The following ME1 variants were observed in gnomAD, a reference collection of about 807,000 sequenced individuals.
ME1 encodes the protein malic enzyme 1, also known as NADP-dependent malic enzyme.
Under a neutral mutation model 66.4 loss-of-function variants are expected in ME1, and 74 were observed. The ratio of observed to expected loss-of-function variants is 1.11; its 90% CI spans 0.92 to 1.35. The LOEUF (loss-of-function observed/expected upper bound fraction) is 1.35. Ranked by LOEUF, ME1 falls within the 40% of genes most tolerant of loss-of-function variation. ME1 has a pLI of 0.00. For synonymous variants in ME1, 251 were observed against 235.6 expected (o/e 1.07, Z -0.60); for missense variants, 750 against 694.1 (o/e 1.08, Z -0.90).
chr6:83,247,723 G>A (rs771301184), intron 7 of ME1, among the ~76,000 whole-genome samples: 1 of 152,044 alleles, frequency 6.6e-6, no homozygotes, highest in Non-Finnish European at 1.5e-5. Context: ...AGAACCATAC[G>A]GAGAAACTGT....
At chr6:83,305,712 C>G (rs959698369) in intron 6 of ME1, among the ~76,000 whole-genome samples, 2 of 152,102 alleles carry the variant, frequency 1.3e-5, no homozygotes, top group Non-Finnish European at 2.9e-5. Context: ...AATGCACTGA[C>G]TGTCAATACT....
chr6:83,213,655 C>T (rs1430538060), intron 13 of ME1, among the ~76,000 whole-genome samples: 1 of 152,056 alleles, frequency 6.6e-6, no homozygotes, highest in Admixed American at 6.5e-5. Context: ...GTGTGAGCCA[C>T]CGTGCCCAGC....
chr6:83,377,055 T>C (rs1246227053), intron 3 of ME1, among the ~76,000 whole-genome samples: 1 of 152,150 alleles, frequency 6.6e-6, no homozygotes, highest in Non-Finnish European at 1.5e-5. Flanking sequence ...TGGAAATGTA[T>C]CAAAACTAAT....
At chr6:83,430,449 T>C (rs1030402301) in intron 1 of ME1, among the ~76,000 whole-genome samples, 4 of 152,218 alleles carry the variant, frequency 2.6e-5, no homozygotes, top group Non-Finnish European at 5.9e-5. Context: ...CCTTATCAAC[T>C]TCCAATAATT....
At chr6:83,252,790 G>A (rs1213007852) in intron 7 of ME1, among the ~76,000 whole-genome samples, 1 of 152,118 alleles carries the variant, frequency 6.6e-6, no homozygotes, top group East Asian at 1.9e-4. Context: ...AGGAAAGGAT[G>A]AACCTGCAGA....
At chr6:83,243,069 G>A (rs1790536926) in intron 7 of ME1, among the ~76,000 whole-genome samples, 1 of 151,676 alleles carries the variant, frequency 6.6e-6, no homozygotes, top group African/African-American at 2.4e-5. Flanking sequence ...ACCAGCCTGG[G>A]CAACATAGAG....
chr6:83,309,522 G>A (rs928942252), intron 6 of ME1, among the ~76,000 whole-genome samples: 1 of 152,128 alleles, frequency 6.6e-6, no homozygotes, highest in Non-Finnish European at 1.5e-5. Context: ...TGCAACAGGA[G>A]CAGGGCTGGG....
At chr6:83,233,656 A>T (rs979457221) in intron 9 of ME1, among the ~76,000 whole-genome samples, 4 of 151,998 alleles carry the variant, frequency 2.6e-5, no homozygotes, top group African/African-American at 9.7e-5. Context: ...AGTTTCACCA[A>T]GAAAATTTTT....
chr6:83,228,407 C>T (rs1176947970), intron 10 of ME1, among the ~76,000 whole-genome samples: 4 of 152,106 alleles, frequency 2.6e-5, no homozygotes, highest in Non-Finnish European at 4.4e-5. Flanking sequence ...AGAATCATTC[C>T]GCTGCCTCTA....
At chr6:83,316,428 G>C (rs1051665835) in intron 5 of ME1, among the ~76,000 whole-genome samples, 1 of 151,812 alleles carries the variant, frequency 6.6e-6, no homozygotes, top group African/African-American at 2.4e-5. Context: ...CTTCCTTAAC[G>C]CAATAAAGGA....
intron 6 of ME1, among the ~76,000 whole-genome samples, chr6:83,304,587 G>A (rs893072160): frequency 2.6e-5 from 4 of 152,122 alleles, no homozygotes; most frequent in Non-Finnish European, 4.4e-5. Flanking sequence ...TTATTTTCAT[G>A]AGGATATGAA....
rs1789871412 is a variant in ME1 at position 83,211,577 on chromosome 6, T to C, written c.*347A>G. 6.3e-6 allele frequency: 1 copy of C among 158,814 alleles called. No homozygotes were observed. The highest frequency in any genetic ancestry group is 2.0e-4 in the South Asian group (1 of 4,908). 9.8% of individuals were successfully genotyped at this position (158,814 alleles called of 1,614,324 possible). On this transcript the variant is annotated 3_prime_UTR_variant, in exon 14 of 14. Transcript: ENST00000369705. ...AACAAAATGGTCAACAAAATAATTA[T>C]GAGTTTTAATGTTGGTTATGTCAAT...
At chr6:83,381,530 A>C (rs1280588724) in intron 3 of ME1, among the ~76,000 whole-genome samples, 1 of 151,814 alleles carries the variant, frequency 6.6e-6, no homozygotes, top group East Asian at 1.9e-4. Context: ...TGATGTATTT[A>C]GAGTCTGTGT....
At chr6:83,238,371 A>G (rs1185839925) in intron 8 of ME1, among the ~76,000 whole-genome samples, 1 of 152,168 alleles carries the variant, frequency 6.6e-6, no homozygotes, top group African/African-American at 2.4e-5. Context: ...TTTTATAATT[A>G]TCTGTGAAAT....
At chr6:83,361,416 G>A (rs1296654153) in intron 3 of ME1, among the ~76,000 whole-genome samples, 1 of 152,238 alleles carries the variant, frequency 6.6e-6, no homozygotes, top group East Asian at 1.9e-4. Flanking sequence ...CATTTATCGA[G>A]TGACCTGAAA....
At chr6:83,219,899 T>A (rs1790056336) in intron 12 of ME1, among the ~76,000 whole-genome samples, 1 of 152,002 alleles carries the variant, frequency 6.6e-6, no homozygotes, top group African/African-American at 2.4e-5. Flanking sequence ...GCTATTTTGT[T>A]TTAAAAAAGA....
intron 3 of ME1, among the ~76,000 whole-genome samples, chr6:83,363,989 T>G (rs1769052732): frequency 6.6e-6 from 1 of 152,194 alleles, no homozygotes. Context: ...GGGTTCAAGT[T>G]GACAAGGGGT....
chr6:83,243,889 A>G lies in ME1; in HGVS notation c.815-4253T>C, dbSNP rs565114329. On this transcript the variant is annotated intron_variant, in intron 7 of 13. Transcript: ENST00000369705. Reference sequence around the variant, plus strand: ...ACTCTCTCTCTATATGTGTGTGTGTATATATATATATATATATCAGTTAAA... The same window carrying G: ...ACTCTCTCTCTATATGTGTGTGTGTGTATATATATATATATATCAGTTAAA... Among the ~76,000 whole-genome samples the G allele has an allele frequency of 2.2e-3, 298 of 135,190 alleles. 2 individuals carry two copies. Among genetic ancestry groups the G allele is most frequent in the African/African-American group, 6.5e-3 (231 of 35,386 alleles). The allele number at this position is 135,190 out of a possible 152,430, so 88.7% of individuals were successfully genotyped here.
chr6:83,347,216 T>C (rs1188523131), intron 4 of ME1, among the ~76,000 whole-genome samples: 1 of 152,156 alleles, frequency 6.6e-6, no homozygotes, highest in Non-Finnish European at 1.5e-5. Context: ...CCTTCCAAAG[T>C]GCTGGGATTA....
Sources: gnomAD v4.1 joint callset for allele counts (sites outside exome capture counted in the v4.1 genomes callset) on GRCh38, gnomAD v4.1.1 for gene constraint, MANE v1.5 for transcripts, NCBI Gene and HGNC (gene_info 2026-07-23, HGNC 2026-07-21) for gene names.